The following NRG3 variants were observed in gnomAD, a reference collection of about 807,000 sequenced individuals.
NRG3 encodes the protein pro-neuregulin-3, membrane-bound isoform.
A neutral mutation model predicts 66.9 loss-of-function variants in NRG3; 31 were observed. The ratio of observed to expected loss-of-function variants is 0.46; its 90% CI spans 0.35 to 0.63. The LOEUF is 0.63. Ranked by LOEUF, NRG3 falls within the 20% of genes least tolerant of loss-of-function variation. The pLI is 0.00. For missense variants in NRG3, 910 were observed against 878.9 expected, an observed-to-expected ratio of 1.04 and a Z score of -0.45; for synonymous variants, 393 against 359.4, an observed-to-expected ratio of 1.09 and a Z score of -1.06.
intron 1 of NRG3, among the ~76,000 whole-genome samples, chr10:82,120,084 T>C (rs2067986920): frequency 6.6e-6 from 1 of 152,162 alleles, no homozygotes; most frequent in East Asian, 1.9e-4. Flanking sequence ...TGGATTATGA[T>C]GGTCTGTTGG....
chr10:82,219,249 G>A (rs1233152217), intron 1 of NRG3, among the ~76,000 whole-genome samples: 1 of 146,994 alleles, frequency 6.8e-6, no homozygotes, highest in Non-Finnish European at 1.5e-5. Flanking sequence ...CCCTGGCATT[G>A]CAGCTTCTCT....
intron 3 of NRG3, among the ~76,000 whole-genome samples, chr10:82,784,810 A>G (rs1216750382): frequency 1.3e-5 from 2 of 152,024 alleles, no homozygotes; most frequent in Admixed American, 1.3e-4. Flanking sequence ...TTCCTCAGGG[A>G]TCTAGAACTG....
intron 2 of NRG3, among the ~76,000 whole-genome samples, chr10:82,412,461 A>G (rs1025478853): frequency 2.6e-5 from 4 of 152,202 alleles, no homozygotes; most frequent in Non-Finnish European, 4.4e-5. Flanking sequence ...TGATTAAAAA[A>G]AGGTAACAAT....
chr10:82,405,658 G>A (rs1337664165), intron 2 of NRG3, among the ~76,000 whole-genome samples: 1 of 151,920 alleles, frequency 6.6e-6, no homozygotes, highest in Non-Finnish European at 1.5e-5. Flanking sequence ...AGTAGAAACG[G>A]AATTTTGCCA....
At chr10:82,954,021 A>G (rs1849790409) in intron 5 of NRG3, among the ~76,000 whole-genome samples, 1 of 151,558 alleles carries the variant, frequency 6.6e-6, no homozygotes, top group Non-Finnish European at 1.5e-5. Flanking sequence ...AAGAGTAAAT[A>G]CCCAATGGAG....
At chr10:82,077,435 C>A (rs1305555057) in intron 1 of NRG3, among the ~76,000 whole-genome samples, 2 of 152,162 alleles carry the variant, frequency 1.3e-5, no homozygotes, top group Non-Finnish European at 2.9e-5. Flanking sequence ...ATATTAAAAT[C>A]ATTTCATGCA....
intron 1 of NRG3, among the ~76,000 whole-genome samples, chr10:82,268,865 G>A (rs1254983065): frequency 6.6e-6 from 1 of 152,072 alleles, no homozygotes; most frequent in Non-Finnish European, 1.5e-5. Context: ...GGGTGACACT[G>A]CATTATTTTC....
chr10:82,085,113 ACTCT>A (rs1800397777), intron 1 of NRG3, among the ~76,000 whole-genome samples: 1 of 152,068 alleles, frequency 6.6e-6, no homozygotes, highest in African/African-American at 2.4e-5. Flanking sequence ...AGTGGCCAAA[ACTCT>A]CAGCTCTGAA....
intron 1 of NRG3, among the ~76,000 whole-genome samples, chr10:81,984,956 A>G (rs577838856): frequency 3.3e-4 from 51 of 152,320 alleles, no homozygotes; most frequent in African/African-American, 1.2e-3. Context: ...ATAAATAGCA[A>G]AGGCTTTAGA....
intron 2 of NRG3, among the ~76,000 whole-genome samples, chr10:82,664,003 C>T (rs2052567421): frequency 6.6e-6 from 1 of 152,172 alleles, no homozygotes; most frequent in Non-Finnish European, 1.5e-5. Context: ...TATGCTGACC[C>T]ATGGTATGTC....
intron 2 of NRG3, among the ~76,000 whole-genome samples, chr10:82,452,487 A>G (rs1402876396): frequency 6.6e-6 from 1 of 152,192 alleles, no homozygotes; most frequent in African/African-American, 2.4e-5. Context: ...TTTGCATTAC[A>G]AGTTGAAATT....
intron 4 of NRG3, among the ~76,000 whole-genome samples, chr10:82,895,785 C>G (rs1359087635): frequency 1.3e-5 from 2 of 152,118 alleles, no homozygotes; most frequent in African/African-American, 4.8e-5. Context: ...GCCACCGCGC[C>G]CTACCAATAA....
At chr10:82,775,004 T>C (rs2059856865) in intron 3 of NRG3, among the ~76,000 whole-genome samples, 2 of 151,752 alleles carry the variant, frequency 1.3e-5, no homozygotes, top group Admixed American at 6.6e-5. Flanking sequence ...TTTTTGTATT[T>C]TTAGTAGAGA....
chr10:82,466,085 C>G (rs1206770794), intron 2 of NRG3, among the ~76,000 whole-genome samples: 2 of 152,172 alleles, frequency 1.3e-5, no homozygotes, highest in Non-Finnish European at 2.9e-5. Context: ...TTGACCTCCT[C>G]TATTCTTGCC....
intron 4 of NRG3, among the ~76,000 whole-genome samples, chr10:82,935,463 T>C (rs1469526587): frequency 6.6e-6 from 1 of 152,220 alleles, no homozygotes; most frequent in Non-Finnish European, 1.5e-5. Flanking sequence ...CATATGACTT[T>C]ACCATATGAC....
At chr10:81,887,821 G>T (rs1470323148) in intron 1 of NRG3, among the ~76,000 whole-genome samples, 1 of 152,092 alleles carries the variant, frequency 6.6e-6, no homozygotes, top group Admixed American at 6.6e-5. Context: ...TTATCTTTGG[G>T]GAGGAGGGGC....
At chr10:82,326,733 AT>A (rs1564798972) in intron 1 of NRG3, among the ~76,000 whole-genome samples, 2 of 151,978 alleles carry the variant, frequency 1.3e-5, no homozygotes, top group African/African-American at 4.8e-5. Flanking sequence ...TTTGTTTTCC[AT>A]TTCTCAAGAA....
chr10:82,067,514 AT>A (rs2064550717), intron 1 of NRG3, among the ~76,000 whole-genome samples: 1 of 152,088 alleles, frequency 6.6e-6, no homozygotes, highest in Admixed American at 6.5e-5. Context: ...TGTCTGGCTA[AT>A]TTTTATATTT....
At chr10:82,917,968 G>GTATATATATATATA (rs1419038422) in intron 4 of NRG3, among the ~76,000 whole-genome samples, 13 of 97,362 alleles carry the variant, frequency 1.3e-4, no homozygotes, top group South Asian at 8.0e-4. Context: ...GTGTGTGTGT[G>GTATATATATATATA]TGTATATATA....
Sources: allele counts gnomAD v4.1 joint callset (sites outside exome capture counted in the v4.1 genomes callset), GRCh38; gene constraint gnomAD v4.1.1; transcripts MANE v1.5; gene names NCBI Gene and HGNC (gene_info 2026-07-23, HGNC 2026-07-21).